The following RNLS variants were observed in gnomAD, a reference collection of about 807,000 sequenced individuals.
RNLS encodes the protein renalase, FAD dependent amine oxidase.
Under a neutral mutation model 39.8 loss-of-function variants are expected in RNLS, and 39 were observed. The observed-to-expected ratio is 0.98, with a 90% CI of 0.76 to 1.28. The LOEUF (loss-of-function observed/expected upper bound fraction) is 1.28, where lower values mean the gene tolerates loss of function less well. Among genes scored for constraint, RNLS ranks in the 50% most tolerant of loss-of-function variants. RNLS has a pLI of 0.00. For synonymous variants in RNLS, 147 were observed against 150.7 expected (o/e 0.98, Z 0.18); for missense variants, 410 against 413.3 (o/e 0.99, Z 0.07).
At chr10:88,172,842 G>GTTGTTTTTTTTTTTTTT in the RNLS span, among the ~76,000 whole-genome samples, 1 of 43,778 alleles carries the variant, frequency 2.3e-5, no homozygotes, top group African/African-American at 1.2e-4. Flanking sequence ...ATTTTGAGTT[G>GTTGTTTTTTTTTTTTTT]TTTTTTTTTT....
At chr10:88,231,324 T>G in the RNLS span, among the ~76,000 whole-genome samples, 2 of 152,302 alleles carry the variant, frequency 1.3e-5, no homozygotes, top group African/African-American at 2.4e-5. Context: ...GAGGACTCAC[T>G]GAGAAGGTGG....
At chr10:88,421,405 AC>A (rs1854400688) in intron 4 of RNLS, among the ~76,000 whole-genome samples, 1 of 152,194 alleles carries the variant, frequency 6.6e-6, no homozygotes, top group African/African-American at 2.4e-5. Context: ...ATTGCTGTTT[AC>A]CCAAGCTTTA....
intron 4 of RNLS, among the ~76,000 whole-genome samples, chr10:88,401,920 C>A (rs1852945761): frequency 6.6e-6 from 1 of 151,950 alleles, no homozygotes; most frequent in Non-Finnish European, 1.5e-5. Context: ...CTGGGCCAGA[C>A]AAATTCTTAA....
intron 4 of RNLS, among the ~76,000 whole-genome samples, chr10:88,472,720 C>T (rs1044968994): frequency 1.1e-4 from 17 of 152,258 alleles, no homozygotes; most frequent in African/African-American, 3.6e-4. Context: ...TAGTGTGTTC[C>T]ATGAACTACA....
chr10:88,572,871 C>T (rs767377823), intron 4 of RNLS, 32 bp downstream of exon 4: 2 of 1,606,682 alleles, frequency 1.2e-6, no homozygotes, highest in Non-Finnish European at 8.5e-7. Flanking sequence ...ATCCCATTCC[C>T]TGAGGCAGGT....
At chr10:88,462,081 CTT>C (rs1308528678) in intron 4 of RNLS, among the ~76,000 whole-genome samples, 1 of 152,016 alleles carries the variant, frequency 6.6e-6, no homozygotes, top group Non-Finnish European at 1.5e-5. Context: ...TTCTATTACT[CTT>C]GAGAATACAT....
intron 6 of RNLS, among the ~76,000 whole-genome samples, chr10:88,307,331 C>T (rs1844999597): frequency 6.6e-6 from 1 of 152,174 alleles, no homozygotes. Flanking sequence ...CCTGGGCAAT[C>T]AGGCAAGAGA....
the RNLS span, among the ~76,000 whole-genome samples, chr10:88,202,781 C>A: frequency 1.3e-5 from 2 of 152,192 alleles, no homozygotes; most frequent in Non-Finnish European, 2.9e-5. Context: ...CCTGGTCCCT[C>A]AGATTCACCT....
the RNLS span, among the ~76,000 whole-genome samples, chr10:88,237,240 C>CCCTCCCTT: frequency 7.5e-6 from 1 of 132,486 alleles, no homozygotes; most frequent in Non-Finnish European, 1.6e-5. Flanking sequence ...CTCCCTCCCT[C>CCCTCCCTT]CCTTCCTTCC....
At chr10:88,410,276 G>A (rs1466241856) in intron 4 of RNLS, among the ~76,000 whole-genome samples, 5 of 151,772 alleles carry the variant, frequency 3.3e-5, no homozygotes, top group South Asian at 2.1e-4. Context: ...TTGAAATTTC[G>A]ACCATAATTT....
chr10:88,557,826 C>T (rs1001217268), intron 4 of RNLS, among the ~76,000 whole-genome samples: 4 of 152,128 alleles, frequency 2.6e-5, no homozygotes, highest in African/African-American at 9.7e-5. Context: ...AAGTTTAATT[C>T]AATTCAGTTG....
At chr10:88,321,715 T>C (rs1351929298) in intron 5 of RNLS, among the ~76,000 whole-genome samples, 1 of 151,352 alleles carries the variant, frequency 6.6e-6, no homozygotes, top group African/African-American at 2.4e-5. Context: ...GATAAATTCC[T>C]GGAAACACAC....
chr10:88,539,216 A>G (rs1032567319), intron 4 of RNLS, among the ~76,000 whole-genome samples: 1 of 152,150 alleles, frequency 6.6e-6, no homozygotes, highest in Non-Finnish European at 1.5e-5. Flanking sequence ...TTGTGTGCAT[A>G]TATCTTCTTG....
the RNLS span, among the ~76,000 whole-genome samples, chr10:88,218,315 T>C: frequency 6.6e-6 from 1 of 152,176 alleles, no homozygotes; most frequent in African/African-American, 2.4e-5. Context: ...CTTAGACATT[T>C]CCAAGAAAAA....
chr10:88,379,345 TTAA>T (rs1181027662), intron 4 of RNLS, among the ~76,000 whole-genome samples: 2 of 152,198 alleles, frequency 1.3e-5, no homozygotes, highest in African/African-American at 2.4e-5. Context: ...AATGGCCAGT[TTAA>T]TAATATTTTG....
the RNLS span, among the ~76,000 whole-genome samples, chr10:88,190,910 G>C: frequency 2.0e-5 from 3 of 152,224 alleles, no homozygotes; most frequent in Admixed American, 6.5e-5. Flanking sequence ...CAAGTGGTGA[G>C]GTCCAACGTG....
intron 5 of RNLS, among the ~76,000 whole-genome samples, chr10:88,323,747 G>A (rs540649028): frequency 6.6e-6 from 1 of 151,970 alleles, no homozygotes; most frequent in Non-Finnish European, 1.5e-5. Context: ...AACAAAAACA[G>A]ACAAATGGGA....
At chr10:88,186,076 ATAAAAT>A in the RNLS span, among the ~76,000 whole-genome samples, 1 of 152,230 alleles carries the variant, frequency 6.6e-6, no homozygotes, top group African/African-American at 2.4e-5. Context: ...AAGTAAATAA[ATAAAAT>A]TAAATCTGCT....
At chr10:88,548,560 AC>A (rs1848452431) in intron 4 of RNLS, among the ~76,000 whole-genome samples, 1 of 148,662 alleles carries the variant, frequency 6.7e-6, no homozygotes, top group Non-Finnish European at 1.5e-5. Context: ...AATTGCTTGA[AC>A]CCGAGAGGCG....
Sources: gnomAD v4.1 joint callset for allele counts (sites outside exome capture counted in the v4.1 genomes callset) on GRCh38, gnomAD v4.1.1 for gene constraint, MANE v1.5 for transcripts, NCBI Gene and HGNC (gene_info 2026-07-23, HGNC 2026-07-21) for gene names.